Variants in SLC26A7 observed in about 807,000 individuals in gnomAD.
The protein encoded by SLC26A7 is solute carrier family 26 member 7.
In SLC26A7, 59 loss-of-function variants were observed where a neutral mutation model predicts 82.5. That is an observed-to-expected ratio of 0.72 (90% CI 0.58 to 0.89). The LOEUF is 0.89. Among genes scored for constraint, SLC26A7 ranks in the 40% least tolerant of loss-of-function variants. The probability of loss-of-function intolerance (pLI) is 0.00; values close to 1 mark genes in which losing one functional copy is unlikely to be tolerated. For synonymous variants in SLC26A7, 271 were observed against 274.3 expected (o/e 0.99, Z 0.12); for missense variants, 820 against 793.0 (o/e 1.03, Z -0.41).
At chr8:91,313,459 T>C (rs1488054361) in intron 4 of SLC26A7, among the ~76,000 whole-genome samples, 1 of 152,112 alleles carries the variant, frequency 6.6e-6, no homozygotes, top group African/African-American at 2.4e-5. Context: ...CACATAGAGG[T>C]TTTTTTCTCC....
intron 5 of SLC26A7, among the ~76,000 whole-genome samples, chr8:91,330,997 T>C (rs1813063826): frequency 6.6e-6 from 1 of 152,122 alleles, no homozygotes; most frequent in South Asian, 2.1e-4. Context: ...TTAAAGCCTC[T>C]CTCCTTGGCT....
intron 2 of SLC26A7, among the ~76,000 whole-genome samples, chr8:91,273,740 A>G (rs1811333254): frequency 6.6e-6 from 1 of 152,226 alleles, no homozygotes; most frequent in Non-Finnish European, 1.5e-5. Flanking sequence ...TTCATCCTTC[A>G]ACCCCCACTT....
intron 14 of SLC26A7, among the ~76,000 whole-genome samples, chr8:91,369,570 A>G (rs1214012046): frequency 6.6e-6 from 1 of 152,200 alleles, no homozygotes; most frequent in East Asian, 1.9e-4. Flanking sequence ...GTCTGATAAC[A>G]TAAATTATTT....
At chr8:91,276,985 C>A (rs576671227) in intron 2 of SLC26A7, among the ~76,000 whole-genome samples, 73 of 152,114 alleles carry the variant, frequency 4.8e-4, no homozygotes, top group Non-Finnish European at 8.8e-4. Flanking sequence ...CACATACATG[C>A]CTCTGGTTCC....
intron 11 of SLC26A7, among the ~76,000 whole-genome samples, chr8:91,359,656 T>C (rs1300365352): frequency 1.3e-5 from 2 of 152,194 alleles, no homozygotes; most frequent in East Asian, 3.9e-4. Flanking sequence ...TGGATAGATA[T>C]CTCTTAGCTG....
intron 10 of SLC26A7, among the ~76,000 whole-genome samples, chr8:91,352,385 C>T (rs963172944): frequency 2.6e-5 from 4 of 152,050 alleles, no homozygotes; most frequent in Non-Finnish European, 5.9e-5. Context: ...AGCCAGTCTC[C>T]ATCCTTTGTT....
At chr8:91,370,459 T>A (rs1489680691) in intron 15 of SLC26A7, among the ~76,000 whole-genome samples, 1 of 152,078 alleles carries the variant, frequency 6.6e-6, no homozygotes, top group Non-Finnish European at 1.5e-5. Flanking sequence ...TGAGGATTTA[T>A]CATGAAATAT....
intron 2 of SLC26A7, among the ~76,000 whole-genome samples, chr8:91,221,928 T>A (rs192612316): frequency 6.6e-6 from 1 of 152,326 alleles, no homozygotes; most frequent in East Asian, 1.9e-4. Context: ...GGTAGTTTGA[T>A]GGGAATAGCA....
chr8:91,340,474 CTTG>C lies in SLC26A7; in HGVS notation c.951_953del (p.Val318del). Reference sequence around the variant, plus strand: ...GATCACTGAAGCTTTCGGAGTGGCACTTGTAGGCTATGTGGCCTCACTGGCTCT... The same window carrying C: ...GATCACTGAAGCTTTCGGAGTGGCACTAGGCTATGTGGCCTCACTGGCTCT... On this transcript the variant is annotated inframe_deletion, in exon 8 of 19. Transcript: ENST00000276609. 6 of 1,613,998 alleles carry C rather than the reference CTTG, an allele frequency of 3.7e-6. No homozygotes were observed. In the South Asian group the frequency reaches 5.5e-5, roughly 15 times the overall value.
intron 5 of SLC26A7, among the ~76,000 whole-genome samples, chr8:91,332,623 G>A (rs1038429984): frequency 4.0e-5 from 6 of 150,688 alleles, no homozygotes; most frequent in South Asian, 2.1e-4. Context: ...GAACTCCTGG[G>A]CTTAAGGGAT....
intron 8 of SLC26A7, 30 bp from the exon 9 acceptor site, chr8:91,343,323 A>T: frequency 2.3e-6 from 3 of 1,313,556 alleles, no homozygotes; most frequent in Non-Finnish European, 3.2e-6. Context: ...TGTGATTAAG[A>T]TATTATATAT....
chr8:91,248,173 T>C (rs1810573895), upstream of SLC26A7, among the ~76,000 whole-genome samples: 1 of 152,158 alleles, frequency 6.6e-6, no homozygotes, highest in African/African-American at 2.4e-5. Context: ...TTTAATATAA[T>C]GTAAAAACAG....
chr8:91,251,884 A>G (rs752752781), intron 2 of SLC26A7, among the ~76,000 whole-genome samples: 4 of 152,276 alleles, frequency 2.6e-5, no homozygotes, highest in Non-Finnish European at 4.4e-5. Flanking sequence ...AGGTGTGACT[A>G]TCCTTCCCTT....
chr8:91,389,275 A>G, intron 15 of SLC26A7, 63 bp from the exon 16 acceptor site: 2 of 1,217,996 alleles, frequency 1.6e-6, no homozygotes, highest in Non-Finnish European at 2.4e-6. Flanking sequence ...CCACCAGTCA[A>G]CAAAGCCAGC....
At chr8:91,385,352 A>G (rs1030608422) in intron 15 of SLC26A7, among the ~76,000 whole-genome samples, 1 of 152,346 alleles carries the variant, frequency 6.6e-6, no homozygotes, top group South Asian at 2.1e-4. Context: ...CCATAAAATT[A>G]GTGCAATGGC....
chr8:91,209,905 A>T (rs1809875978), intron 1 of SLC26A7, among the ~76,000 whole-genome samples: 1 of 152,152 alleles, frequency 6.6e-6, no homozygotes, highest in Non-Finnish European at 1.5e-5. Flanking sequence ...TTTTCTTTCA[A>T]CATCTTTACT....
chr8:91,234,827 A>ACCTACCTACCTACTTCCTTC (rs1386380375), intron 2 of SLC26A7, among the ~76,000 whole-genome samples: 1 of 92,494 alleles, frequency 1.1e-5, no homozygotes, highest in African/African-American at 4.5e-5. Context: ...CTACCTACCT[A>ACCTACCTACCTACTTCCTTC]CTTCCTTCCT....
chr8:91,247,145 A>G (rs1191596298), upstream of SLC26A7, among the ~76,000 whole-genome samples: 1 of 152,224 alleles, frequency 6.6e-6, no homozygotes, highest in Non-Finnish European at 1.5e-5. Context: ...CTGAAATTCA[A>G]ACATATCAGT....
At chr8:91,338,285 TG>T in intron 7 of SLC26A7, 53 bp downstream of exon 7, 1 of 1,353,708 alleles carries the variant, frequency 7.4e-7, no homozygotes, top group Non-Finnish European at 1.0e-6. Context: ...TTATTTTTGA[TG>T]GAGAAAGGGA....
Sources: allele counts gnomAD v4.1 joint callset (sites outside exome capture counted in the v4.1 genomes callset), GRCh38; gene constraint gnomAD v4.1.1; transcripts MANE v1.5; gene names NCBI Gene and HGNC (gene_info 2026-07-23, HGNC 2026-07-21).